TAFA4: variants seen among roughly 807,000 people sequenced by gnomAD.
The protein encoded by TAFA4 is TAFA chemokine like family member 4.
TAFA4 carries 20 observed loss-of-function variants against 21.1 expected under a neutral mutation model. The ratio of observed to expected loss-of-function variants is 0.95; its 90% CI spans 0.67 to 1.38. TAFA4 has a LOEUF of 1.38. Ranked by LOEUF, TAFA4 falls within the 40% of genes most tolerant of loss-of-function variation. The pLI, the probability that TAFA4 is intolerant of heterozygous loss-of-function variation, is 0.00. For synonymous variants in TAFA4, 71 were observed against 67.4 expected (o/e 1.05, Z -0.26); for missense variants, 211 against 180.9 (o/e 1.17, Z -0.95).
In TAFA4 at chr3:68,807,628, T is replaced by G. The variant is rs545642039; in HGVS notation, c.131-54610A>C. Among the ~76,000 whole-genome samples the G allele has an allele frequency of 3.0e-4, 45 of 152,356 alleles. 1 individual carries two copies. In the South Asian group the frequency reaches 9.3e-3, roughly 32 times the overall value. ...TAATTATAAGAGCTTAGATCCTGACTTGACTTTGCACCTGAATACAAAGTA... is the reference window on the plus strand; with the variant it reads ...TAATTATAAGAGCTTAGATCCTGACGTGACTTTGCACCTGAATACAAAGTA... On this transcript the variant is annotated intron_variant, in intron 3 of 5. Coordinates refer to ENST00000295569, the MANE Select transcript of TAFA4 (RefSeq NM_182522.5).
intron 3 of TAFA4, among the ~76,000 whole-genome samples, chr3:68,840,669 T>C (rs901647530): frequency 7.9e-5 from 12 of 152,278 alleles, no homozygotes; most frequent in African/African-American, 2.9e-4. Flanking sequence ...TTCACATATA[T>C]AGAATATAGC....
At chr3:68,801,135 C>T (rs1265670458) in intron 3 of TAFA4, among the ~76,000 whole-genome samples, 1 of 152,176 alleles carries the variant, frequency 6.6e-6, no homozygotes, top group African/African-American at 2.4e-5. Context: ...GTGTACCCAC[C>T]ATGCCAGGGC....
chr3:68,838,880 T>A (rs983243491), intron 3 of TAFA4, among the ~76,000 whole-genome samples: 1 of 152,150 alleles, frequency 6.6e-6, no homozygotes, highest in Non-Finnish European at 1.5e-5. Context: ...GTAGATCGCT[T>A]GAGCCCAGGA....
At chr3:68,909,194 A>G (rs981821489) in intron 1 of TAFA4, among the ~76,000 whole-genome samples, 3 of 152,290 alleles carry the variant, frequency 2.0e-5, no homozygotes, top group South Asian at 4.1e-4. Context: ...AAAAAAAGGG[A>G]TTTGGGGACA....
At chr3:68,896,924 G>A (rs564325380) in intron 1 of TAFA4, among the ~76,000 whole-genome samples, 1 of 152,182 alleles carries the variant, frequency 6.6e-6, no homozygotes, top group African/African-American at 2.4e-5. Context: ...TTTTTATTGA[G>A]ACGAAGTCTC....
intron 5 of TAFA4, 77 bp from the exon 6 acceptor site, chr3:68,733,230 A>T: frequency 6.4e-7 from 1 of 1,561,702 alleles, no homozygotes; most frequent in Non-Finnish European, 8.7e-7. Flanking sequence ...CGAGACCAAT[A>T]AGGTCCTGAC....
At chr3:68,787,336 GAGA>G (rs1231252224) in intron 3 of TAFA4, among the ~76,000 whole-genome samples, 1 of 152,144 alleles carries the variant, frequency 6.6e-6, no homozygotes, top group Non-Finnish European at 1.5e-5. Flanking sequence ...CCATTAGGCT[GAGA>G]AGAAGAAAAA....
At chr3:68,821,229 C>G (rs1236571558) in intron 3 of TAFA4, among the ~76,000 whole-genome samples, 2 of 151,684 alleles carry the variant, frequency 1.3e-5, no homozygotes, top group African/African-American at 4.8e-5. Flanking sequence ...TGAGGACTCA[C>G]AGCTATTAGA....
chr3:68,795,692 G>T (rs1438006134), intron 3 of TAFA4, among the ~76,000 whole-genome samples: 1 of 152,166 alleles, frequency 6.6e-6, no homozygotes, highest in Non-Finnish European at 1.5e-5. Flanking sequence ...AAGAAAAACT[G>T]AATCCTCGAG....
intron 1 of TAFA4, among the ~76,000 whole-genome samples, chr3:68,909,944 AG>A (rs1218016364): frequency 6.6e-6 from 1 of 152,088 alleles, no homozygotes; most frequent in Non-Finnish European, 1.5e-5. Flanking sequence ...CCATACTCAC[AG>A]GGTTGTTGGC....
intron 1 of TAFA4, among the ~76,000 whole-genome samples, chr3:68,910,825 T>G (rs1336377836): frequency 6.6e-6 from 1 of 152,226 alleles, no homozygotes; most frequent in Non-Finnish European, 1.5e-5. Flanking sequence ...CCAAATCTCA[T>G]GTGCAATCAG....
chr3:68,901,874 T>C (rs1237641035), intron 1 of TAFA4, among the ~76,000 whole-genome samples: 1 of 152,196 alleles, frequency 6.6e-6, no homozygotes, highest in Non-Finnish European at 1.5e-5. Flanking sequence ...AGTGGGCAAA[T>C]CATTAGACCT....
intron 3 of TAFA4, among the ~76,000 whole-genome samples, chr3:68,787,279 A>G (rs1363231397): frequency 2.0e-5 from 3 of 151,494 alleles, no homozygotes; most frequent in African/African-American, 7.3e-5. Context: ...CAACAAACTA[A>G]CCCCCTACAC....
At chr3:68,739,362 T>C (rs181052406) in intron 4 of TAFA4, among the ~76,000 whole-genome samples, 163 bp from the exon 5 acceptor site, 1 of 152,312 alleles carries the variant, frequency 6.6e-6, no homozygotes, top group Non-Finnish European at 1.5e-5. Context: ...TACAAAATAT[T>C]TCATTTTTTT....
intron 4 of TAFA4, among the ~76,000 whole-genome samples, chr3:68,746,959 C>T (rs533239466): frequency 2.6e-5 from 4 of 152,306 alleles, no homozygotes; most frequent in Admixed American, 6.5e-5. Context: ...CCGGCCTCTA[C>T]ATGCTACACA....
chr3:68,823,174 C>G (rs1360328163), intron 3 of TAFA4, among the ~76,000 whole-genome samples: 2 of 152,120 alleles, frequency 1.3e-5, no homozygotes, highest in African/African-American at 4.8e-5. Context: ...AAGGGGTCGA[C>G]AGAATTTGGG....
rs1183515684 is a variant in TAFA4, at chr3:68,752,942, C to T, written c.207G>A (p.Glu69=). 3 of 1,614,128 alleles carry T rather than the reference C, an allele frequency of 1.9e-6. No individual in the cohort carries two copies. The highest frequency in any genetic ancestry group is 2.5e-6 in the Non-Finnish European group (3 of 1,180,022). ...HRCCNKNRIE[E]RSQTVKCSCF... is the part of the protein sequence containing the mutation. ...AAGAGCACTTGACCGTTTGTGACCG[C>T]TCTTCTATGCGGTTCTTATTGCAGC... Residue 69 remains glutamate, a synonymous_variant, in exon 4 of 6, where the codon GAG becomes GAA. Transcript: ENST00000295569.
At chr3:68,868,354 A>C (rs2089443364) in intron 3 of TAFA4, among the ~76,000 whole-genome samples, 1 of 152,018 alleles carries the variant, frequency 6.6e-6, no homozygotes, top group African/African-American at 2.4e-5. Flanking sequence ...ATCCAGACAG[A>C]AAAATCAACA....
At chr3:68,877,273 C>T (rs1202864430) in intron 3 of TAFA4, among the ~76,000 whole-genome samples, 1 of 152,104 alleles carries the variant, frequency 6.6e-6, no homozygotes, top group Non-Finnish European at 1.5e-5. Flanking sequence ...GCAGGAGAAT[C>T]ACTTGAACCT....
Sources: gnomAD v4.1 joint callset for allele counts (sites outside exome capture counted in the v4.1 genomes callset) on GRCh38, gnomAD v4.1.1 for gene constraint, MANE v1.5 for transcripts, NCBI Gene and HGNC (gene_info 2026-07-23, HGNC 2026-07-21) for gene names.